Variants in RGS22 observed in about 807,000 individuals in gnomAD.
The protein encoded by RGS22 is regulator of G protein signaling 22, also known as regulator of G-protein signaling 22.
In RGS22, 148 loss-of-function variants were observed where a neutral mutation model predicts 172.9. The observed-to-expected ratio is 0.86, with a 90% CI of 0.75 to 0.98. The LOEUF is 0.98. Among genes scored for constraint, RGS22 ranks in the 50% least tolerant of loss-of-function variants. The pLI is 0.00. For synonymous variants in RGS22, 458 were observed against 480.2 expected (o/e 0.95, Z 0.60); for missense variants, 1,347 against 1,440.8 (o/e 0.93, Z 1.05).
At chr8:100,102,589 A>G (rs1218906075) in intron 2 of RGS22, among the ~76,000 whole-genome samples, 1 of 152,250 alleles carries the variant, frequency 6.6e-6, no homozygotes, top group East Asian at 1.9e-4. Flanking sequence ...AAAGATGCTC[A>G]GAGCTCACAG....
chr8:99,990,430 A>C (rs893213885), intron 20 of RGS22, among the ~76,000 whole-genome samples: 6 of 152,142 alleles, frequency 3.9e-5, no homozygotes, highest in Admixed American at 1.3e-4. Context: ...CCTTTAAGCC[A>C]TCTCCAAGCC....
intron 9 of RGS22, among the ~76,000 whole-genome samples, chr8:100,055,685 G>T (rs182753737): frequency 6.5e-4 from 99 of 152,248 alleles, no homozygotes; most frequent in Non-Finnish European, 1.1e-3. Context: ...TGTTCTCCTG[G>T]TAGTGAATAA....
At chr8:100,086,509 C>T (rs1019963779) in intron 3 of RGS22, among the ~76,000 whole-genome samples, 4 of 151,880 alleles carry the variant, frequency 2.6e-5, no homozygotes, top group African/African-American at 7.3e-5. Context: ...AACTAAACAT[C>T]GAGTGCTCAT....
intron 14 of RGS22, among the ~76,000 whole-genome samples, chr8:100,032,162 T>C (rs1818891212): frequency 6.6e-6 from 1 of 152,090 alleles, no homozygotes; most frequent in African/African-American, 2.4e-5. Flanking sequence ...AATTCACATA[T>C]AACAATATTA....
intron 9 of RGS22, among the ~76,000 whole-genome samples, chr8:100,055,753 G>C (rs1822175132): frequency 6.6e-6 from 1 of 152,114 alleles, no homozygotes; most frequent in Non-Finnish European, 1.5e-5. Flanking sequence ...ATATCCCTTT[G>C]CTCTTCCTTT....
intron 2 of RGS22, among the ~76,000 whole-genome samples, chr8:100,096,008 A>G (rs1002540786): frequency 2.6e-5 from 4 of 152,112 alleles, no homozygotes; most frequent in African/African-American, 9.7e-5. Flanking sequence ...AAAGGAACCT[A>G]TTTTCCCACT....
intron 24 of RGS22, among the ~76,000 whole-genome samples, chr8:99,964,685 C>T (rs1810551017): frequency 6.6e-6 from 1 of 152,100 alleles, no homozygotes; most frequent in Admixed American, 6.5e-5. Context: ...TCTCTTCTCT[C>T]AATAATAGCT....
intron 10 of RGS22, among the ~76,000 whole-genome samples, chr8:100,051,797 A>G (rs1410195641): frequency 2.1e-5 from 1 of 48,424 alleles, no homozygotes; most frequent in Non-Finnish European, 3.6e-5. Context: ...ATAAATATAT[A>G]TTTATATATA....
intron 14 of RGS22, among the ~76,000 whole-genome samples, chr8:100,020,041 C>T (rs1167758378): frequency 2.0e-5 from 3 of 152,116 alleles, no homozygotes; most frequent in South Asian, 2.1e-4. Flanking sequence ...CCTGCCACCA[C>T]GCCCAGCTAA....
At chr8:100,027,706 C>T (rs1201930783) in intron 14 of RGS22, among the ~76,000 whole-genome samples, 1 of 152,174 alleles carries the variant, frequency 6.6e-6, no homozygotes, top group Non-Finnish European at 1.5e-5. Flanking sequence ...TGGTCTCGAA[C>T]TCCTGAGCTC....
At chr8:100,095,841 T>C (rs1461614509) in intron 2 of RGS22, among the ~76,000 whole-genome samples, 1 of 152,246 alleles carries the variant, frequency 6.6e-6, no homozygotes. Context: ...TTATATCTTT[T>C]ATAAAATTGT....
At chr8:100,023,052 A>G (rs1208767074) in intron 14 of RGS22, among the ~76,000 whole-genome samples, 3 of 151,882 alleles carry the variant, frequency 2.0e-5, no homozygotes, top group Non-Finnish European at 2.9e-5. Context: ...CTGGCTTGGG[A>G]AAAAAAACAA....
intron 23 of RGS22, among the ~76,000 whole-genome samples, chr8:99,966,301 G>A (rs1192936542): frequency 1.3e-5 from 2 of 152,070 alleles, no homozygotes; most frequent in Admixed American, 6.6e-5. Flanking sequence ...GCAAGTGAAC[G>A]ATGAAATACA....
intron 22 of RGS22, among the ~76,000 whole-genome samples, chr8:99,981,554 A>G (rs1218461493): frequency 6.6e-6 from 1 of 152,132 alleles, no homozygotes; most frequent in African/African-American, 2.4e-5. Context: ...TCACGAAAAA[A>G]ACTGCATTTA....
chr8:99,999,174 G>A (rs1317540939), intron 19 of RGS22, 88 bp downstream of exon 19: 50 of 1,028,068 alleles, frequency 4.9e-5, no homozygotes, highest in African/African-American at 2.7e-4. Flanking sequence ...AAAAAAAAAA[G>A]GACAATGGCT....
chr8:100,044,543 A>G lies in RGS22; in HGVS notation c.1824-2627T>C, dbSNP rs147125962. Among the ~76,000 whole-genome samples, 390 of 152,042 alleles carry G rather than the reference A, an allele frequency of 2.6e-3. 4 individuals are homozygous for G. Among genetic ancestry groups the G allele is most frequent in the African/African-American group, 8.9e-3 (369 of 41,502 alleles). ...ATTACAGGCATGAGCCACCATGCCC[A>G]GCCTAAAATTCTTCCTTCCTTTGGC... On this transcript the variant is annotated intron_variant, in intron 11 of 27. Coordinates refer to ENST00000360863, the MANE Select transcript of RGS22 (RefSeq NM_015668.5).
chr8:100,085,818 T>C (rs967580993), intron 3 of RGS22, among the ~76,000 whole-genome samples: 6 of 152,216 alleles, frequency 3.9e-5, no homozygotes, highest in Non-Finnish European at 7.4e-5. Context: ...GACAAAATCA[T>C]TGTGACTCTT....
At chr8:100,051,242 T>C (rs1407984453) in intron 10 of RGS22, among the ~76,000 whole-genome samples, 1 of 151,016 alleles carries the variant, frequency 6.6e-6, no homozygotes, top group Non-Finnish European at 1.5e-5. Flanking sequence ...ACCAATGTGG[T>C]TGGAATGCAG....
intron 9 of RGS22, 56 bp downstream of exon 9, chr8:100,062,535 A>G (rs1394063183): frequency 2.6e-6 from 3 of 1,165,910 alleles, no homozygotes; most frequent in Non-Finnish European, 3.7e-6. Flanking sequence ...AAAAAAGTAT[A>G]ACTCATAACT....
Sources: allele counts gnomAD v4.1 joint callset (sites outside exome capture counted in the v4.1 genomes callset), GRCh38; gene constraint gnomAD v4.1.1; transcripts MANE v1.5; gene names NCBI Gene and HGNC (gene_info 2026-07-23, HGNC 2026-07-21).